KCNJ6: variants seen among roughly 807,000 people sequenced by gnomAD.
The protein encoded by KCNJ6 is G protein-activated inward rectifier potassium channel 2.
Under a neutral mutation model 34.2 loss-of-function variants are expected in KCNJ6, and 9 were observed. The ratio of observed to expected loss-of-function variants is 0.26; its 90% CI spans 0.16 to 0.46. KCNJ6 has a LOEUF of 0.46. KCNJ6 is among the 20% of genes least tolerant of loss of function. The pLI is 1.00. For synonymous variants in KCNJ6, 196 were observed against 207.1 expected, an observed-to-expected ratio of 0.95 and a Z score of 0.46; for missense variants, 236 against 531.3, an observed-to-expected ratio of 0.44 and a Z score of 5.46.
At chr21:37,694,535 T>C (rs1293169014) in intron 3 of KCNJ6, among the ~76,000 whole-genome samples, 1 of 152,202 alleles carries the variant, frequency 6.6e-6, no homozygotes, top group Non-Finnish European at 1.5e-5. Flanking sequence ...TACAACATTT[T>C]AGTCTGCAAA....
chr21:37,663,491 T>C (rs191420118), intron 3 of KCNJ6, among the ~76,000 whole-genome samples: 53 of 151,876 alleles, frequency 3.5e-4, no homozygotes, highest in African/African-American at 1.3e-3. Flanking sequence ...CTACATACTG[T>C]TTACAAGAGG....
chr21:37,649,165 G>C (rs1311953966), intron 3 of KCNJ6, among the ~76,000 whole-genome samples: 1 of 126,772 alleles, frequency 7.9e-6, no homozygotes, highest in Non-Finnish European at 1.7e-5. Context: ...GAAAGAAAAA[G>C]AAAGGGAGTT....
chr21:37,716,379 ATTT>A (rs367708496), intron 2 of KCNJ6, among the ~76,000 whole-genome samples: 1 of 140,232 alleles, frequency 7.1e-6, no homozygotes, highest in Admixed American at 7.2e-5. Flanking sequence ...AAAAGTTTAA[ATTT>A]TTTTTTTTTT....
intron 1 of KCNJ6, among the ~76,000 whole-genome samples, chr21:37,847,155 A>G (rs955062153): frequency 6.6e-6 from 1 of 152,212 alleles, no homozygotes; most frequent in Non-Finnish European, 1.5e-5. Context: ...TAAAAATATA[A>G]TATGAAAATA....
chr21:37,725,797 G>T (rs2054851420), intron 2 of KCNJ6, among the ~76,000 whole-genome samples: 1 of 152,236 alleles, frequency 6.6e-6, no homozygotes, highest in Non-Finnish European at 1.5e-5. Context: ...TACTGCTGCA[G>T]ATATAATCAA....
At chr21:37,673,155 G>C (rs2054549699) in intron 3 of KCNJ6, among the ~76,000 whole-genome samples, 1 of 152,280 alleles carries the variant, frequency 6.6e-6, no homozygotes, top group Non-Finnish European at 1.5e-5. Flanking sequence ...AGGTAAGACA[G>C]CATGAGGGAA....
intron 2 of KCNJ6, among the ~76,000 whole-genome samples, chr21:37,749,362 G>A (rs1481648224): frequency 6.6e-6 from 1 of 152,132 alleles, no homozygotes; most frequent in Non-Finnish European, 1.5e-5. Flanking sequence ...GCAAGGCCAG[G>A]CAAGCACCAG....
In KCNJ6 at chr21:37,619,192, C is replaced by T. The variant is rs544738466; in HGVS notation, c.*5967G>A. On this transcript the variant is annotated 3_prime_UTR_variant, in exon 4 of 4. Coordinates refer to ENST00000609713, the MANE Select transcript of KCNJ6 (RefSeq NM_002240.5). Reference sequence around the variant, plus strand: ...TCATAAGAGAACTTGATATGTTTTTCCATAGAACTAAAAAGATAAGGAACC... The same window carrying T: ...TCATAAGAGAACTTGATATGTTTTTTCATAGAACTAAAAAGATAAGGAACC... 1 of 152,180 alleles carries T rather than the reference C, an allele frequency of 6.6e-6. No individual in the cohort carries two copies. Among genetic ancestry groups the T allele is most frequent in the East Asian group, 1.9e-4 (1 of 5,188 alleles). The allele number at this position is 152,180 out of a possible 1,614,324, so 9.4% of individuals were successfully genotyped here.
At chr21:37,829,153 T>C (rs529728083) in intron 2 of KCNJ6, among the ~76,000 whole-genome samples, 282 of 105,980 alleles carry the variant, frequency 2.7e-3, no homozygotes, top group African/African-American at 1.0e-2. Context: ...AGGTGGGGGA[T>C]GGAGCCTGAA....
chr21:37,790,391 C>T (rs1331989747), intron 2 of KCNJ6, among the ~76,000 whole-genome samples: 2 of 152,222 alleles, frequency 1.3e-5, no homozygotes, highest in East Asian at 3.8e-4. Flanking sequence ...CCAACAATAA[C>T]TAGCATTTAT....
At chr21:37,739,408 C>T (rs2123474833) in intron 2 of KCNJ6, among the ~76,000 whole-genome samples, 1 of 152,190 alleles carries the variant, frequency 6.6e-6, no homozygotes, top group Admixed American at 6.5e-5. Flanking sequence ...TGGCTTAAGT[C>T]AGAAGAAAAG....
At chr21:37,796,922 T>C (rs931369666) in intron 2 of KCNJ6, among the ~76,000 whole-genome samples, 1 of 150,454 alleles carries the variant, frequency 6.6e-6, no homozygotes, top group Non-Finnish European at 1.5e-5. Context: ...GCCTCCCGAG[T>C]AGCTGGGACT....
At chr21:37,641,268 A>G (rs553489365) in intron 3 of KCNJ6, among the ~76,000 whole-genome samples, 36 of 152,316 alleles carry the variant, frequency 2.4e-4, no homozygotes, top group African/African-American at 8.4e-4. Context: ...TAATGGCTAA[A>G]TGAGTAAAAA....
At chr21:37,727,749 C>A (rs548857119) in intron 2 of KCNJ6, among the ~76,000 whole-genome samples, 15 of 151,978 alleles carry the variant, frequency 9.9e-5, no homozygotes, top group South Asian at 2.1e-4. Context: ...TTGGGAGGAA[C>A]GGAGAAAGAT....
chr21:37,667,184 ATT>A (rs1397510519), intron 3 of KCNJ6, among the ~76,000 whole-genome samples: 3,152 of 77,880 alleles, frequency 0.04, 3 homozygotes, highest in Non-Finnish European at 0.065. Flanking sequence ...AAAAAAAAAA[ATT>A]AAATGAGGCA....
chr21:37,753,263 G>C (rs1379828416), intron 2 of KCNJ6, among the ~76,000 whole-genome samples: 1 of 152,166 alleles, frequency 6.6e-6, no homozygotes, highest in Non-Finnish European at 1.5e-5. Flanking sequence ...CCGAGTGAGT[G>C]GACAGGGCCC....
At position 37,611,197 on chromosome 21, in the gene KCNJ6, G is replaced by A. The variant is rs899557030; in HGVS notation, c.*13962C>T. The A allele has an allele frequency of 1.3e-5, 2 of 152,256 alleles. No individual in the cohort carries two copies. The highest frequency in any genetic ancestry group is 2.1e-4 in the South Asian group (1 of 4,816). 9.4% of individuals were successfully genotyped at this position (152,256 alleles called of 1,614,324 possible). A position where few individuals can be genotyped will look rare whatever the true frequency, so the allele number is the denominator to read the frequency against. ...GGTTAAAAGGATAATAAAAGATAAT[G>A]AAGGAATTTTATGAATGACTTTATA... On this transcript the variant is annotated 3_prime_UTR_variant, in exon 4 of 4. Coordinates refer to ENST00000609713, the MANE Select transcript of KCNJ6 (RefSeq NM_002240.5).
chr21:37,785,483 T>G (rs1397338896), intron 2 of KCNJ6, among the ~76,000 whole-genome samples: 3 of 152,208 alleles, frequency 2.0e-5, no homozygotes, highest in Non-Finnish European at 4.4e-5. Context: ...GGAAACTGTA[T>G]TCTCAGTGTG....
intron 3 of KCNJ6, among the ~76,000 whole-genome samples, chr21:37,658,716 TGG>T (rs2054475274): frequency 1.3e-5 from 2 of 152,160 alleles, no homozygotes; most frequent in Admixed American, 1.3e-4. Context: ...GCTGGCTCAC[TGG>T]GGTGGAAGGG....
Sources: gnomAD v4.1 joint callset for allele counts (sites outside exome capture counted in the v4.1 genomes callset) on GRCh38, gnomAD v4.1.1 for gene constraint, MANE v1.5 for transcripts, NCBI Gene and HGNC (gene_info 2026-07-23, HGNC 2026-07-21) for gene names.